Variants in CACNA1G observed in about 807,000 individuals in gnomAD.
The protein encoded by CACNA1G is calcium voltage-gated channel subunit alpha1 G, also known as voltage-dependent T-type calcium channel subunit alpha-1G.
In CACNA1G, 67 loss-of-function variants were observed where a neutral mutation model predicts 219.4. That is an observed-to-expected ratio of 0.31 (90% CI 0.25 to 0.37). The LOEUF is 0.37. Among genes scored for constraint, CACNA1G ranks in the 10% least tolerant of loss-of-function variants. The probability of loss-of-function intolerance (pLI) is 1.00; values close to 1 mark genes in which losing one functional copy is unlikely to be tolerated. For missense variants in CACNA1G, 2,380 were observed against 3,231.4 expected, an observed-to-expected ratio of 0.74 and a Z score of 6.39; for synonymous variants, 1,296 against 1,345.3, an observed-to-expected ratio of 0.96 and a Z score of 0.80.
At chr17:50,570,086 C>G (rs1294286070) in intron 4 of CACNA1G, among the ~76,000 whole-genome samples, 1 of 152,204 alleles carries the variant, frequency 6.6e-6, no homozygotes, top group East Asian at 1.9e-4. Context: ...CCACTCCCCC[C>G]AGGAGGATAG....
At chr17:50,601,506 A>G (rs1034623163) in intron 19 of CACNA1G, among the ~76,000 whole-genome samples, 3 of 152,168 alleles carry the variant, frequency 2.0e-5, no homozygotes, top group African/African-American at 4.8e-5. Context: ...ATGGGGAGGC[A>G]TCTTGCCCAG....
rs1023388618 is a variant in CACNA1G, at chr17:50,621,544, C to T, written c.5926-116C>T. On this transcript the variant is annotated intron_variant, in intron 34 of 37. Coordinates refer to ENST00000359106, the MANE Select transcript of CACNA1G (RefSeq NM_018896.5). The surrounding 1 kb of genome is among the most constrained non-coding windows in gnomAD (Gnocchi z 4.6). ...GAGAAGGGATGCCTTTTTCCCGCCC[C>T]CCTGTGCTTCGTGAAAAGGGGGAAG... The T allele has an allele frequency of 5.1e-6, 6 of 1,174,922 alleles. No individual in the cohort carries two copies. The highest frequency in any genetic ancestry group is 7.2e-6 in the Non-Finnish European group (6 of 828,946). The allele number at this position is 1,174,922 out of a possible 1,614,324, so 72.8% of individuals were successfully genotyped here.
chr17:50,598,127 G>A lies in CACNA1G; in HGVS notation c.3258+1204G>A, dbSNP rs973292687. 8.5e-5 allele frequency among the ~76,000 whole-genome samples: 13 copies of A among 152,272 alleles called. No individual in the cohort carries two copies. In the South Asian group the frequency reaches 1.2e-3, roughly 15 times the overall value. ...CATGCAACCTCTGCCTCCCAGGTTC[G>A]AGTGATTCTCCTGCCTCAGCCACCT... On this transcript the variant is annotated intron_variant, in intron 16 of 37. Transcript: ENST00000359106.
At chr17:50,615,310 G>A in intron 26 of CACNA1G, 51 bp from the exon 27 acceptor site, 3 of 1,474,296 alleles carry the variant, frequency 2.0e-6, no homozygotes, top group South Asian at 2.9e-5. Context: ...GTGGAGGGGT[G>A]CGGGGGGCAG....
Position 50,595,029 on chromosome 17 carries a change from A to C in CACNA1G, c.2947A>C (p.Ser983Arg), listed in dbSNP as rs2045228465. 6.4e-7 allele frequency: 1 copy of C among 1,553,908 alleles called. No homozygotes were observed. The highest frequency in any genetic ancestry group is 8.7e-7 in the Non-Finnish European group (1 of 1,148,186). The change falls in exon 14 of 38, where the codon AGC becomes CGC. Residue 983 changes from serine (S) to arginine (R), a missense_variant. Physicochemically the swap from Ser to Arg is moderately radical, Grantham distance 110 (BLOSUM62 -1). Coordinates refer to ENST00000359106, the MANE Select transcript of CACNA1G (RefSeq NM_018896.5). ...ACGGGAAGATGCGAGTGGACAGTTAAGCTGTATTCAGCTGCCTGTCGACTC... is the reference window on the plus strand; with the variant it reads ...ACGGGAAGATGCGAGTGGACAGTTACGCTGTATTCAGCTGCCTGTCGACTC... ...SKREDASGQL[S>R]CIQLPVDSQG...
At position 50,617,958 on chromosome 17, in the gene CACNA1G, A is replaced by G. The variant is rs756329438; in HGVS notation, c.5226+29A>G. 1 of 1,610,724 alleles carries G rather than the reference A, an allele frequency of 6.2e-7. No homozygotes were observed. On this transcript the variant is annotated intron_variant, in intron 30 of 37. Transcript: ENST00000359106. The surrounding 1 kb of genome is among the most constrained non-coding windows in gnomAD (Gnocchi z 5.8). ...GCCGGGAGGTGGGGGGCCTCTGGGG[A>G]GGGGGAGGTGCTTTCCAGAGGGAAG...
At chr17:50,624,778 A>G (rs1458155460) in intron 37 of CACNA1G, among the ~76,000 whole-genome samples, 1 of 152,158 alleles carries the variant, frequency 6.6e-6, no homozygotes, top group Non-Finnish European at 1.5e-5. Flanking sequence ...GTGCTTGCCC[A>G]GGGTCATGCC....
chr17:50,578,079 A>T lies in CACNA1G; in HGVS notation c.1925-109A>T. On this transcript the variant is annotated intron_variant, in intron 8 of 37. Coordinates refer to ENST00000359106, the MANE Select transcript of CACNA1G (RefSeq NM_018896.5). The surrounding 1 kb of genome is among the most constrained non-coding windows in gnomAD (Gnocchi z 4.5). The stretch of plus-strand genomic sequence containing the variant: ...TGGCCCACTAAGTGCCTAGCACCCC[A>T]TCACTGTAACAACCCCAGACTCCCT... 7.4e-7 allele frequency: 1 copy of T among 1,343,458 alleles called. No homozygotes were observed. The highest frequency in any genetic ancestry group is 9.9e-7 in the Non-Finnish European group (1 of 1,008,806). 83.2% of individuals were successfully genotyped at this position (1,343,458 alleles called of 1,614,324 possible).
Position 50,626,180 on chromosome 17 carries a change from C to G in CACNA1G, c.6563C>G (p.Ser2188Cys). ...QQHSRSHSKI[S>C]KHMTPPAPCP... The stretch of plus-strand genomic sequence containing the variant: ...CACTCCCGCAGCCACAGCAAGATCT[C>G]CAAGCACATGACCCCGCCAGCCCCT... Residue 2188 changes from serine to cysteine, a missense_variant, in exon 38 of 38, where the codon TCC (serine) becomes TGC (cysteine). Ser to Cys is a moderately radical substitution (Grantham distance 112). Coordinates refer to ENST00000359106, the MANE Select transcript of CACNA1G (RefSeq NM_018896.5). The surrounding 1 kb of genome is among the most constrained non-coding windows in gnomAD (Gnocchi z 4.3). The G allele has an allele frequency of 6.2e-7, 1 of 1,613,884 alleles. No individual in the cohort carries two copies. The highest frequency in any genetic ancestry group is 8.5e-7 in the Non-Finnish European group (1 of 1,179,854).
At chr17:50,599,957 C>A in intron 17 of CACNA1G, 98 bp downstream of exon 17, 2 of 1,205,022 alleles carry the variant, frequency 1.7e-6, no homozygotes, top group African/African-American at 1.5e-5. Context: ...CCATTCCAAG[C>A]CCACGGAATA....
In CACNA1G at chr17:50,609,930, C is replaced by T. The variant is rs758840349; in HGVS notation, c.4754C>T (p.Ala1585Val). 9 of 1,610,374 alleles carry T rather than the reference C, an allele frequency of 5.6e-6. No individual in the cohort carries two copies. The highest frequency in any genetic ancestry group is 1.3e-5 in the African/African-American group (1 of 74,956). The change falls in exon 26 of 38, where the codon GCG becomes GTG. Residue 1585 changes from alanine to valine, a missense_variant. Physicochemically the swap from Ala to Val is moderately conservative, Grantham distance 64 (BLOSUM62 0). This residue lies in a region of CACNA1G where 58 missense variants were observed against 71.3 expected (regional missense o/e 0.81). Transcript: ENST00000359106. ...VIASGSSASA[A>V]SEAQCKPYYS... is the part of the protein sequence containing the mutation. ...GCTTCCGGCAGCTCAGCCAGCGCTG[C>T]GTCAGGTACTGCGTCTGGGGTGTGG...
chr17:50,572,098 C>T, intron 5 of CACNA1G, 61 bp downstream of exon 5: 2 of 1,534,380 alleles, frequency 1.3e-6, no homozygotes, highest in Non-Finnish European at 1.8e-6. Context: ...GGCACCCCCC[C>T]AAGTTCCTCA....
chr17:50,568,795 A>C, intron 1 of CACNA1G, 75 bp from the exon 2 acceptor site: 1 of 1,105,526 alleles, frequency 9.0e-7, no homozygotes, highest in Non-Finnish European at 1.4e-6. Flanking sequence ...GTAAACGAGG[A>C]GGAGGTGTTA....
rs1400680190 is a variant in CACNA1G, at chr17:50,626,450, G to A, written c.6833G>A (p.Gly2278Asp). The A allele has an allele frequency of 2.5e-6, 4 of 1,604,174 alleles. No individual in the cohort carries two copies. The highest frequency in any genetic ancestry group is 8.5e-7 in the Non-Finnish European group (1 of 1,176,022). The change falls in exon 38 of 38, where the codon GGC becomes GAC. Residue 2278 changes from glycine to aspartate, a missense_variant. Gly to Asp is a moderately conservative substitution (Grantham distance 94). Around this residue, in one of 17 missense-constraint regions of CACNA1G, gnomAD observed 672 missense variants for 670.5 expected, o/e 1.00. Transcript: ENST00000359106. The surrounding 1 kb of genome is among the most constrained non-coding windows in gnomAD (Gnocchi z 4.3). ...ATCGCCGTCAGCTGCCTGGACAGCGGCTCCCAACCCCACCTGGGCACAGAC... is the reference window on the plus strand; with the variant it reads ...ATCGCCGTCAGCTGCCTGGACAGCGACTCCCAACCCCACCTGGGCACAGAC... ...HSIAVSCLDSGSQPHLGTDPS... is the reference protein window; with the variant it reads ...HSIAVSCLDSDSQPHLGTDPS...
At chr17:50,565,382 T>G (rs995124850) in intron 1 of CACNA1G, among the ~76,000 whole-genome samples, 30 of 113,388 alleles carry the variant, frequency 2.6e-4, no homozygotes, top group East Asian at 6.3e-4. Flanking sequence ...GCTTGTGGGG[T>G]GGGGCGGGGG....
chr17:50,606,002 C>A lies in CACNA1G; in HGVS notation c.4401C>A (p.Tyr1467Ter). The change falls in exon 23 of 38, where the codon TAC becomes TAA. Residue 1467 changes from tyrosine (Y) to a stop codon, truncating the protein, a stop_gained. Coordinates refer to ENST00000359106, the MANE Select transcript of CACNA1G (RefSeq NM_018896.5). LOFTEE classifies it high-confidence loss of function. ...EASYRWVRHK[Y>*]NFDNLGQALM... ...GTTACCGGTGGGTCCGGCACAAGTA[C>A]AACTTTGACAACCTTGGCCAGGTGA... is the stretch of plus-strand genomic sequence containing the variant. 1 of 1,613,884 alleles carries A rather than the reference C, an allele frequency of 6.2e-7. No individual in the cohort carries two copies. Among genetic ancestry groups the A allele is most frequent in the Non-Finnish European group, 8.5e-7 (1 of 1,179,882 alleles).
At position 50,626,622 on chromosome 17, in the gene CACNA1G, T is replaced by C; in HGVS notation, c.7005T>C (p.Ala2335=). Residue 2335 remains alanine, a synonymous_variant, in exon 38 of 38, where the codon GCT becomes GCC. Transcript: ENST00000359106. This position sits in a 1 kb window ranked among gnomAD's most constrained non-coding sequence, Gnocchi z 4.3. Reference sequence around the variant, plus strand: ...CTGGTATCTGCCTCCGGAGGAGGGCTCCGTCCAGCGACTCCAAGGATCCCT... The same window carrying C: ...CTGGTATCTGCCTCCGGAGGAGGGCCCCGTCCAGCGACTCCAAGGATCCCT... ...PSPGICLRRR[A]PSSDSKDPLA... The C allele has an allele frequency of 6.2e-7, 1 of 1,611,376 alleles. No individual in the cohort carries two copies. Among genetic ancestry groups the C allele is most frequent in the South Asian group, 1.1e-5 (1 of 90,998 alleles).
intron 13 of CACNA1G, among the ~76,000 whole-genome samples, chr17:50,592,443 G>A (rs1055570870): frequency 1.4e-4 from 21 of 152,146 alleles, no homozygotes; most frequent in Admixed American, 8.5e-4. Flanking sequence ...TGGAACACCC[G>A]GAGAGGACCC....
At chr17:50,624,233 G>A (rs1046202048) in intron 36 of CACNA1G, 127 bp from the exon 37 acceptor site, 2 of 1,251,936 alleles carry the variant, frequency 1.6e-6, no homozygotes, top group Admixed American at 2.1e-5. Flanking sequence ...TGAGTCCAGG[G>A]GGTAAGGGTA....
Sources: gnomAD v4.1 joint callset for allele counts (sites outside exome capture counted in the v4.1 genomes callset) on GRCh38, gnomAD v4.1.1 for gene constraint, gnomAD v4.1.1 regional missense constraint, Gnocchi (gnomAD v3.1) non-coding constraint, MANE v1.5 for transcripts, NCBI Gene and HGNC (gene_info 2026-07-23, HGNC 2026-07-21) for gene names.